ENTPD2: variants seen among roughly 807,000 people sequenced by gnomAD.
ENTPD2 encodes CD39 antigen-like 1.
A neutral mutation model predicts 46.8 loss-of-function variants in ENTPD2; 48 were observed. The observed-to-expected ratio is 1.03, with a 90% CI of 0.81 to 1.30. ENTPD2 has a LOEUF of 1.30. Ranked by LOEUF, ENTPD2 falls within the 50% of genes most tolerant of loss-of-function variation. ENTPD2 has a pLI of 0.00. For missense variants in ENTPD2, 707 were observed against 651.1 expected (o/e 1.09, Z -0.93); for synonymous variants, 316 against 286.1 (o/e 1.10, Z -1.06).
Position 137,053,982 on chromosome 9 carries a change from G to C in ENTPD2, c.16C>G (p.Arg6Gly). MAGKV[R>G]SLLPPLLLAA... ...AGCAGCAGCGGCGGCAGCAGTGACC[G>C]CACCTTCCCGGCCATGGGCGGGCGG... The change falls in exon 1 of 9, where the codon CGG (arginine) becomes GGG (glycine). Residue 6 changes from arginine to glycine, a missense_variant. Coordinates refer to ENST00000355097, the MANE Select transcript of ENTPD2 (RefSeq NM_203468.3). The C allele has an allele frequency of 1.7e-6, 2 of 1,206,934 alleles. No homozygotes were observed. The highest frequency in any genetic ancestry group is 2.1e-6 in the Non-Finnish European group (2 of 968,480). The allele number at this position is 1,206,934 out of a possible 1,614,324, so 74.8% of individuals were successfully genotyped here.
Position 137,051,612 on chromosome 9 carries a change from C to G in ENTPD2, c.284G>C (p.Ser95Thr). 6.2e-7 allele frequency: 1 copy of G among 1,612,800 alleles called. No individual in the cohort carries two copies. The change falls in exon 3 of 9, where the codon AGT becomes ACT. Residue 95 changes from serine (S) to threonine (T), a missense_variant. Ser to Thr is a moderately conservative substitution (Grantham distance 58). Coordinates refer to ENST00000355097, the MANE Select transcript of ENTPD2 (RefSeq NM_203468.3). ...YADNPSGASQ[S>T]LVGCLEQALQ... ...CGCCTGTTCGAGGCATCCAACAAGACTCTGGCTGGCCCCAGAAGGGTTGTC... is the reference window on the plus strand; with the variant it reads ...CGCCTGTTCGAGGCATCCAACAAGAGTCTGGCTGGCCCCAGAAGGGTTGTC...
In ENTPD2 at chr9:137,050,412, G is replaced by A. The variant is rs1050344006; in HGVS notation, c.901C>T (p.Leu301=). 16 of 1,612,992 alleles carry A rather than the reference G, an allele frequency of 9.9e-6. No homozygotes were observed. Among genetic ancestry groups the A allele is most frequent in the Non-Finnish European group, 1.4e-5 (16 of 1,180,002 alleles). ...QNFNSSARVS[L]SGSSDPHLCR... ...AGGTGGGGGTCACTGCTCCCTGACA[G>A]GCTGACCCTGGCACTGCTGTTGAAG... is the stretch of plus-strand genomic sequence containing the variant. The change falls in exon 6 of 9, where the codon CTG becomes TTG. Residue 301 remains leucine, a synonymous_variant. Coordinates refer to ENST00000355097, the MANE Select transcript of ENTPD2 (RefSeq NM_203468.3).
intron 7 of ENTPD2, 183 bp from the exon 8 acceptor site, chr9:137,049,258 G>A: frequency 9.6e-7 from 1 of 1,038,222 alleles, no homozygotes; most frequent in South Asian, 1.4e-5. Context: ...CCCCCGGCAG[G>A]GCACGCTTCC....
chr9:137,053,936 C>G lies in ENTPD2; in HGVS notation c.62G>C (p.Gly21Ala), dbSNP rs1037983162. 8.2e-6 allele frequency: 10 copies of G among 1,225,140 alleles called. No homozygotes were observed. The highest frequency in any genetic ancestry group is 7.8e-5 in the African/African-American group (5 of 63,964). The allele number at this position is 1,225,140 out of a possible 1,614,324, so 75.9% of individuals were successfully genotyped here. ...PLLLAAAGLAGLLLLCVPTRD... is the reference protein window; with the variant it reads ...PLLLAAAGLAALLLLCVPTRD... ...GGTGGGGACGCACAGCAGTAGGAGG[C>G]CGGCGAGGCCCGCGGCGGCCAGCAG... The change falls in exon 1 of 9, where the codon GGC (glycine) becomes GCC (alanine). Residue 21 changes from glycine to alanine, a missense_variant. By Grantham distance (60) the Gly-to-Ala change is moderately conservative (BLOSUM62 0). Transcript: ENST00000355097.
rs769524705 is a variant in ENTPD2, at chr9:137,051,202, TG to T, written c.546+8del. The T allele has an allele frequency of 3.7e-6, 6 of 1,612,300 alleles. No homozygotes were observed. Among genetic ancestry groups the T allele is most frequent in the Non-Finnish European group, 5.1e-6 (6 of 1,179,694 alleles). On this transcript the variant is annotated splice_region_variant and intron_variant, in intron 4 of 8. Coordinates refer to ENST00000355097, the MANE Select transcript of ENTPD2 (RefSeq NM_203468.3). ...GCCCCCTGGCTCTTTGGCTGGCTGC[TG>T]GGCCCACCTTGATGAAGTTCTCCAG...
At chr9:137,049,687 C>G in intron 7 of ENTPD2, 183 bp downstream of exon 7, 1 of 668,686 alleles carries the variant, frequency 1.5e-6, no homozygotes, top group Non-Finnish European at 2.4e-6. Context: ...TTCTCCAACC[C>G]GCCCGACTTG....
chr9:137,048,562 A>C lies in ENTPD2; in HGVS notation c.*95T>G. ...GGGGTGGGTGGAGGGGTGGGGATAC[A>C]GGGGTGGGAGGTACAGGGGTTGTGG... On this transcript the variant is annotated 3_prime_UTR_variant, in exon 9 of 9. Coordinates refer to ENST00000355097, the MANE Select transcript of ENTPD2 (RefSeq NM_203468.3). 1.2e-6 allele frequency: 1 copy of C among 868,644 alleles called. No homozygotes were observed. Among genetic ancestry groups the C allele is most frequent in the Non-Finnish European group, 1.5e-6 (1 of 645,696 alleles). The allele number at this position is 868,644 out of a possible 1,614,324, so 53.8% of individuals were successfully genotyped here.
At chr9:137,050,047 C>T in intron 6 of ENTPD2, 58 bp from the exon 7 acceptor site, 1 of 1,539,698 alleles carries the variant, frequency 6.5e-7, no homozygotes, top group Non-Finnish European at 8.8e-7. Flanking sequence ...CACCTGCTGC[C>T]ACCCGCCTGT....
chr9:137,050,985 G>A lies in ENTPD2; in HGVS notation c.691C>T (p.Gln231Ter), dbSNP rs1180373676. The change falls in exon 5 of 9, where the codon CAG (glutamine) becomes TAG (stop). Residue 231 changes from glutamine to a stop codon, truncating the protein, a stop_gained. Transcript: ENST00000355097. LOFTEE classifies it high-confidence loss of function. ...ASEVQLHLYGQHYRVYTHSFL... is the reference protein window; with the variant it reads ...ASEVQLHLYG ...CTGTGGGTGTAGACTCGGTAGTGCT[G>A]GCCGTAGAGATGCAGCTGGACCTCG... 4.0e-6 allele frequency: 6 copies of A among 1,504,052 alleles called. No homozygotes were observed. Among genetic ancestry groups the A allele is most frequent in the Non-Finnish European group, 5.3e-6 (6 of 1,122,992 alleles). 93.2% of individuals were successfully genotyped at this position (1,504,052 alleles called of 1,614,324 possible). A position where few individuals can be genotyped will look rare whatever the true frequency, so the allele number is the denominator to read the frequency against.
chr9:137,049,932 CG>C lies in ENTPD2; in HGVS notation c.1086del (p.Val363TrpfsTer12). 6.2e-7 allele frequency: 1 copy of C among 1,612,520 alleles called. No individual in the cohort carries two copies. Among genetic ancestry groups the C allele is most frequent in the Non-Finnish European group, 8.5e-7 (1 of 1,179,808 alleles). Reference protein sequence around the residue: ...VDFLRTSMGLPVATLQQLEAA... With the variant: ...VDFLRTSMGLXVATLQQLEAA... ...GCCTCCAGCTGCTGCAGGGTGGCCA[CG>C]GGCAGCCCCATCGAAGTCCGCAAAA... On this transcript the variant is annotated frameshift_variant, in exon 7 of 9. Transcript: ENST00000355097. LOFTEE classifies it high-confidence loss of function.
At position 137,049,868 on chromosome 9, in the gene ENTPD2, A is replaced by G. The variant is rs1832223450; in HGVS notation, c.1149+2T>C. The G allele has an allele frequency of 6.2e-7, 1 of 1,609,430 alleles. No individual in the cohort carries two copies. Among genetic ancestry groups the G allele is most frequent in the African/African-American group, 1.3e-5 (1 of 74,854 alleles). ...CCCTGAAGGAGTGGGAGCGGGGCTC[A>G]CCTGAGCCCAGGTCTGGTTGCAGAC... On this transcript the variant is annotated splice_donor_variant, in intron 7 of 8. Transcript: ENST00000355097. LOFTEE classifies it high-confidence loss of function.
At chr9:137,051,791 C>G in intron 2 of ENTPD2, 131 bp from the exon 3 acceptor site, 5 of 1,364,424 alleles carry the variant, frequency 3.7e-6, no homozygotes, top group Non-Finnish European at 4.8e-6. Flanking sequence ...CTGCTTAAGC[C>G]CCCAGAAACG....
Position 137,050,890 on chromosome 9 carries a change from G to C in ENTPD2, c.774+12C>G, listed in dbSNP as rs535221430. ...AACAGTGCAGTGCAGGTGAGCCAGGGTGGAGGGGCACCTGGAGGGCGCTGG... is the reference window on the plus strand; with the variant it reads ...AACAGTGCAGTGCAGGTGAGCCAGGCTGGAGGGGCACCTGGAGGGCGCTGG... On this transcript the variant is annotated intron_variant, in intron 5 of 8. Coordinates refer to ENST00000355097, the MANE Select transcript of ENTPD2 (RefSeq NM_203468.3). 1 of 1,608,596 alleles carries C rather than the reference G, an allele frequency of 6.2e-7. No individual in the cohort carries two copies. Among genetic ancestry groups the C allele is most frequent in the Admixed American group, 1.7e-5 (1 of 59,934 alleles).
At chr9:137,051,175 A>G in intron 4 of ENTPD2, 36 bp downstream of exon 4, 3 of 1,611,640 alleles carry the variant, frequency 1.9e-6, no homozygotes, top group Non-Finnish European at 1.7e-6. Context: ...GAGGGCGCCC[A>G]CGCCCCCTGG....
chr9:137,051,589 C>T lies in ENTPD2; in HGVS notation c.307G>A (p.Ala103Thr), dbSNP rs1832299328. ...SQSLVGCLEQ[A>T]LQDVPKERHA... ...CTCTCTTTGGGCACATCCTGAAGCG[C>T]CTGTTCGAGGCATCCAACAAGACTC... is the stretch of plus-strand genomic sequence containing the variant. The change falls in exon 3 of 9, where the codon GCG (alanine) becomes ACG (threonine). Residue 103 changes from alanine to threonine, a missense_variant. Ala to Thr is a moderately conservative substitution (Grantham distance 58). Transcript: ENST00000355097. 6.2e-7 allele frequency: 1 copy of T among 1,612,772 alleles called. No homozygotes were observed. Among genetic ancestry groups the T allele is most frequent in the African/African-American group, 1.3e-5 (1 of 75,046 alleles).
In ENTPD2 at chr9:137,051,285, G is replaced by A. The variant is rs752597686; in HGVS notation, c.472C>T (p.Arg158Cys). 59 of 1,610,998 alleles carry A rather than the reference G, an allele frequency of 3.7e-5. No individual in the cohort carries two copies. In the Middle Eastern group the frequency reaches 4.9e-4, roughly 13 times the overall value. ...CCCTCTTCCTGGCCCGAGAGGATGC[G>A]TGCACCCCGGAAGTCAAAGGGGTAC... ...TQYPFDFRGA[R>C]ILSGQEEGVF... Residue 158 changes from arginine to cysteine, a missense_variant, in exon 4 of 9, where the codon CGC becomes TGC. By Grantham distance (180) the Arg-to-Cys change is radical. Coordinates refer to ENST00000355097, the MANE Select transcript of ENTPD2 (RefSeq NM_203468.3).
chr9:137,052,401 CT>C, intron 1 of ENTPD2, 53 bp from the exon 2 acceptor site: 1 of 1,385,042 alleles, frequency 7.2e-7, no homozygotes, highest in Admixed American at 1.8e-5. Flanking sequence ...CCCTGACACC[CT>C]GACACCAAAC....
chr9:137,049,323 C>T (rs1396539206), intron 7 of ENTPD2: 8 of 711,990 alleles, frequency 1.1e-5, no homozygotes, highest in Non-Finnish European at 2.0e-5. Flanking sequence ...GGACAGCAGG[C>T]ATGGCCACCA....
At chr9:137,049,500 T>A (rs1257045026) in intron 7 of ENTPD2, 2 of 439,344 alleles carry the variant, frequency 4.6e-6, no homozygotes, top group East Asian at 1.0e-4. Context: ...ACCCCGGTCC[T>A]GGGACGACTC....
Sources: gnomAD v4.1 joint callset for allele counts on GRCh38, gnomAD v4.1.1 for gene constraint, MANE v1.5 for transcripts, NCBI Gene and HGNC (gene_info 2026-07-23, HGNC 2026-07-21) for gene names.